The following PHKB variants were observed in gnomAD, a reference collection of about 807,000 sequenced individuals.
PHKB encodes the protein phosphorylase kinase regulatory subunit beta.
A neutral mutation model predicts 152.1 loss-of-function variants in PHKB; 122 were observed. The ratio of observed to expected loss-of-function variants is 0.80; its 90% CI spans 0.69 to 0.93. The LOEUF (loss-of-function observed/expected upper bound fraction) is 0.93, where lower values mean the gene tolerates loss of function less well. PHKB is among the 40% of genes least tolerant of loss of function. The pLI, the probability that PHKB is intolerant of heterozygous loss-of-function variation, is 0.00. For synonymous variants in PHKB, 436 were observed against 464.9 expected (o/e 0.94, Z 0.80); for missense variants, 1,304 against 1,328.4 (o/e 0.98, Z 0.29).
In PHKB at chr16:47,689,028, T is replaced by C. The variant is rs748305642; in HGVS notation, c.2631-13T>C. The C allele has an allele frequency of 1.9e-6, 3 of 1,613,910 alleles. No homozygotes were observed. In the Admixed American group the frequency reaches 5.0e-5, roughly 27 times the overall value. On this transcript the variant is annotated splice_polypyrimidine_tract_variant and intron_variant, in intron 26 of 30. Transcript: ENST00000323584. The stretch of plus-strand genomic sequence containing the variant: ...AAGAGTTATTGATTCATGCTTCCCC[T>C]GTTTTGTTTCAGGTGGATCATCCAT...
chr16:47,695,132 G>T (rs562129731), intron 28 of PHKB, among the ~76,000 whole-genome samples: 1 of 152,210 alleles, frequency 6.6e-6, no homozygotes, highest in South Asian at 2.1e-4. Context: ...GTGACCCCTG[G>T]CAGTGTAGCT....
chr16:47,653,382 T>C (rs1046793970), intron 20 of PHKB, among the ~76,000 whole-genome samples: 2 of 152,184 alleles, frequency 1.3e-5, no homozygotes, highest in African/African-American at 2.4e-5. Flanking sequence ...TGGAAGCAGA[T>C]AGTAACTCCC....
At chr16:47,485,213 A>T (rs549772127) in intron 1 of PHKB, among the ~76,000 whole-genome samples, 71 of 152,360 alleles carry the variant, frequency 4.7e-4, no homozygotes, top group Admixed American at 9.8e-4. Context: ...CATTGAGAGC[A>T]CATTTATTCC....
At chr16:47,566,839 A>AGTCTGT in intron 7 of PHKB, 25 of 720,226 alleles carry the variant, frequency 3.5e-5, no homozygotes, top group South Asian at 3.4e-4. Context: ...TCAGCCAGAG[A>AGTCTGT]GTCTGTTAGG....
rs1969550117 is a variant in PHKB, at chr16:47,461,393, G to A, written c.43G>A (p.Val15Ile). The change falls in exon 1 of 31, where the codon GTC (valine) becomes ATC (isoleucine). Residue 15 changes from valine to isoleucine, a missense_variant. By Grantham distance (29) the Val-to-Ile change is conservative. Coordinates refer to ENST00000323584, the MANE Select transcript of PHKB (RefSeq NM_000293.3). ...AGLTAEVSWK[V>I]LERRARTKRS... ...ACTCACGGCAGAAGTGAGCTGGAAG[G>A]TCTTGGAGCGAAGAGCTCGGACCAA... is the stretch of plus-strand genomic sequence containing the variant. The A allele has an allele frequency of 6.2e-7, 1 of 1,613,200 alleles. No individual in the cohort carries two copies.
intron 7 of PHKB, among the ~76,000 whole-genome samples, chr16:47,574,519 A>G (rs1971717860): frequency 6.6e-6 from 1 of 152,204 alleles, no homozygotes; most frequent in Non-Finnish European, 1.5e-5. Flanking sequence ...GAGGCATGCT[A>G]ACAATGCCTC....
In PHKB at chr16:47,678,437, T is replaced by C. The variant is rs553236783; in HGVS notation, c.2630+9020T>C. Among the ~76,000 whole-genome samples, 164 of 152,214 alleles carry C rather than the reference T, an allele frequency of 1.1e-3. 1 individual carries two copies. Among genetic ancestry groups the C allele is most frequent in the African/African-American group, 3.7e-3 (155 of 41,562 alleles). On this transcript the variant is annotated intron_variant, in intron 26 of 30. Coordinates refer to ENST00000323584, the MANE Select transcript of PHKB (RefSeq NM_000293.3). The stretch of plus-strand genomic sequence containing the variant: ...CACATCCTCTCCAGCACCTGTTGTT[T>C]CCTGACTTTTTAATGATCGCCATTC...
chr16:47,589,091 GC>G lies in PHKB; in HGVS notation c.1058del (p.Ala353ValfsTer20). On this transcript the variant is annotated frameshift_variant, in exon 10 of 31. Coordinates refer to ENST00000323584, the MANE Select transcript of PHKB (RefSeq NM_000293.3). LOFTEE classifies it high-confidence loss of function. ...TCCCAACAGATGCTACTACAAGCCA[GC>G]TGAAATTAAGGTATTAAAAAATATT... Reference protein sequence around the residue: ...EDPNRCYYKPAEIKLFDGIEC... With the variant: ...EDPNRCYYKPXEIKLFDGIEC... The G allele has an allele frequency of 6.2e-7, 1 of 1,610,524 alleles. No individual in the cohort carries two copies. The highest frequency in any genetic ancestry group is 8.5e-7 in the Non-Finnish European group (1 of 1,176,912).
At chr16:47,571,020 G>A (rs1449547503) in intron 7 of PHKB, among the ~76,000 whole-genome samples, 1 of 151,896 alleles carries the variant, frequency 6.6e-6, no homozygotes, top group Admixed American at 6.6e-5. Context: ...CCTAGCTTCA[G>A]CTCTGGGTGC....
At chr16:47,598,254 A>G (rs115831968) in intron 13 of PHKB, among the ~76,000 whole-genome samples, 2,281 of 152,266 alleles carry the variant, frequency 0.015, 58 homozygotes, top group African/African-American at 0.052. Flanking sequence ...AGTGATCTAT[A>G]AATTTGTTTA....
chr16:47,686,806 A>C (rs759463811), intron 26 of PHKB, among the ~76,000 whole-genome samples: 3 of 152,198 alleles, frequency 2.0e-5, no homozygotes, highest in Non-Finnish European at 4.4e-5. Flanking sequence ...TTTACCTGTG[A>C]GTATTTTAGT....
chr16:47,549,540 C>T (rs951868373), intron 7 of PHKB, among the ~76,000 whole-genome samples: 2 of 151,902 alleles, frequency 1.3e-5, no homozygotes, highest in African/African-American at 2.4e-5. Context: ...AAAAAAAATA[C>T]AAAAATTAGC....
At chr16:47,647,334 G>C (rs1448325761) in intron 16 of PHKB, among the ~76,000 whole-genome samples, 1 of 151,984 alleles carries the variant, frequency 6.6e-6, no homozygotes, top group Non-Finnish European at 1.5e-5. Flanking sequence ...ATGTCGGCCA[G>C]GCTGGTCTTG....
chr16:47,685,869 G>A (rs962129409), intron 26 of PHKB, among the ~76,000 whole-genome samples: 3 of 151,570 alleles, frequency 2.0e-5, no homozygotes, highest in African/African-American at 7.3e-5. Context: ...AGCCTCCTGA[G>A]TAGCTGGGAC....
Position 47,649,115 on chromosome 16 carries a change from G to C in PHKB, c.1708G>C (p.Gly570Arg). 1 of 1,599,990 alleles carries C rather than the reference G, an allele frequency of 6.3e-7. No individual in the cohort carries two copies. Among genetic ancestry groups the C allele is most frequent in the Non-Finnish European group, 8.6e-7 (1 of 1,167,264 alleles). The stretch of plus-strand genomic sequence containing the variant: ...TCCCTTACAGATTTATCGCATTCTA[G>C]GAAAGACTGTGGTTTGTTACCCGAT... ...LGTSKIYRIL[G>R]KTVVCYPIIF... is the part of the protein sequence containing the mutation. The change falls in exon 18 of 31, where the codon GGA becomes CGA. Residue 570 changes from glycine (G) to arginine (R), a missense_variant. Transcript: ENST00000323584.
chr16:47,471,795 A>T (rs1567269864), intron 1 of PHKB, among the ~76,000 whole-genome samples: 1 of 152,206 alleles, frequency 6.6e-6, no homozygotes, highest in Non-Finnish European at 1.5e-5. Flanking sequence ...ATGCATAATT[A>T]ATTAAGGTGC....
chr16:47,699,180 T>C, intron 30 of PHKB, 49 bp from the exon 31 acceptor site: 1 of 1,599,170 alleles, frequency 6.3e-7, no homozygotes, highest in Non-Finnish European at 8.6e-7. Context: ...ACCTGTCAAC[T>C]CTTTACAAAC....
At chr16:47,565,434 TAG>T (rs1479511134) in intron 7 of PHKB, 3 of 1,366,508 alleles carry the variant, frequency 2.2e-6, no homozygotes, top group African/African-American at 2.9e-5. Context: ...AGCTCTGTGA[TAG>T]AGCAGGAGGG....
chr16:47,578,454 A>G (rs184370431), intron 7 of PHKB, among the ~76,000 whole-genome samples: 125 of 152,140 alleles, frequency 8.2e-4, no homozygotes, highest in African/African-American at 2.9e-3. Flanking sequence ...TTTTAGCTGT[A>G]TTTTCTTATA....
Sources: allele counts gnomAD v4.1 joint callset (sites outside exome capture counted in the v4.1 genomes callset), GRCh38; gene constraint gnomAD v4.1.1; transcripts MANE v1.5; gene names NCBI Gene and HGNC (gene_info 2026-07-23, HGNC 2026-07-21).